RORA: variants seen among roughly 807,000 people sequenced by gnomAD.
The protein encoded by RORA is RAR related orphan receptor A.
Under a neutral mutation model 69.5 loss-of-function variants are expected in RORA, and 7 were observed. The ratio of observed to expected loss-of-function variants is 0.10; its 90% confidence interval spans 0.06 to 0.19. The LOEUF is 0.19. RORA is among the 10% of genes least tolerant of loss of function. The pLI, the probability that RORA is intolerant of heterozygous loss-of-function variation, is 1.00. For missense variants in RORA, 457 were observed against 663.0 expected (o/e 0.69, Z 3.41); for synonymous variants, 261 against 240.8 (o/e 1.08, Z -0.78).
At chr15:60,838,165 C>T (rs1056695835) in intron 1 of RORA, among the ~76,000 whole-genome samples, 3 of 152,116 alleles carry the variant, frequency 2.0e-5, no homozygotes, top group Non-Finnish European at 2.9e-5. Context: ...CCCCCTTAGA[C>T]CTCTATCCTA....
At chr15:60,826,877 C>T (rs1031180989) in intron 1 of RORA, among the ~76,000 whole-genome samples, 10 of 151,690 alleles carry the variant, frequency 6.6e-5, no homozygotes, top group Admixed American at 3.3e-4. Flanking sequence ...AGTTCCTAAA[C>T]CCTAAGACAA....
intron 2 of RORA, among the ~76,000 whole-genome samples, chr15:60,595,969 G>C (rs188038789): frequency 1.3e-5 from 2 of 152,302 alleles, no homozygotes; most frequent in East Asian, 3.9e-4. Context: ...ATGCCAAGTT[G>C]TTCCCAAAAA....
At chr15:60,863,149 T>G (rs2140427051) in intron 1 of RORA, among the ~76,000 whole-genome samples, 1 of 152,322 alleles carries the variant, frequency 6.6e-6, no homozygotes, top group South Asian at 2.1e-4. Flanking sequence ...AGGGCCAATC[T>G]TTTACAGTTG....
At chr15:60,652,669 C>G (rs2070162089) in intron 2 of RORA, among the ~76,000 whole-genome samples, 1 of 152,170 alleles carries the variant, frequency 6.6e-6, no homozygotes, top group East Asian at 1.9e-4. Context: ...TTCTAGAAAA[C>G]TAATCCCTTC....
Position 60,531,992 on chromosome 15 carries a change from A to C in RORA, c.197-141T>G, listed in dbSNP as rs897199304. The C allele has an allele frequency of 1.0e-4, 57 of 549,938 alleles. 1 individual carries two copies. Among genetic ancestry groups the C allele is most frequent in the African/African-American group, 9.6e-4 (48 of 50,012 alleles). 34.1% of individuals were successfully genotyped at this position (549,938 alleles called of 1,614,324 possible). A position where few individuals can be genotyped will look rare whatever the true frequency, so the allele number is the denominator to read the frequency against. On this transcript the variant is annotated intron_variant, in intron 2 of 10. Transcript: ENST00000335670. The surrounding 1 kb of genome is among the most constrained non-coding windows in gnomAD (Gnocchi z 4.8). The stretch of plus-strand genomic sequence containing the variant: ...ATTAACTATTCATTGCTGAACTGTG[A>C]GGGTCCCCCTAGAGCCCTGGACTAA...
Position 61,006,609 on chromosome 15 carries a change from T to C in RORA, c.166+222444A>G, listed in dbSNP as rs141015550. Reference sequence around the variant, plus strand: ...ACCTGCTGCACACAATCCATGCTGTTGCTCCTTCCTCTGCCAGCCTCTGAA... The same window carrying C: ...ACCTGCTGCACACAATCCATGCTGTCGCTCCTTCCTCTGCCAGCCTCTGAA... On this transcript the variant is annotated intron_variant, in intron 1 of 10. Coordinates refer to ENST00000335670, the MANE Select transcript of RORA (RefSeq NM_134261.3). Among the ~76,000 whole-genome samples, 617 of 152,296 alleles carry C rather than the reference T, an allele frequency of 4.1e-3. 7 individuals carry two copies. The highest frequency in any genetic ancestry group is 0.014 in the African/African-American group (596 of 41,572).
intron 2 of RORA, among the ~76,000 whole-genome samples, chr15:60,548,787 A>G (rs1023896530): frequency 3.3e-5 from 5 of 152,054 alleles, no homozygotes; most frequent in African/African-American, 4.8e-5. Flanking sequence ...ACAGGCGCCC[A>G]CCACCATGCC....
At chr15:60,506,965 C>A (rs1235249108) in intron 5 of RORA, among the ~76,000 whole-genome samples, 1 of 150,862 alleles carries the variant, frequency 6.6e-6, no homozygotes. Context: ...CCAGCCTGGG[C>A]AATAGAGCGA....
At chr15:60,760,570 C>T (rs908069447) in intron 1 of RORA, among the ~76,000 whole-genome samples, 1 of 151,940 alleles carries the variant, frequency 6.6e-6, no homozygotes. Flanking sequence ...GTACAGGCAC[C>T]GTATGAATAT....
At chr15:60,560,595 G>C (rs536717957) in intron 2 of RORA, among the ~76,000 whole-genome samples, 1 of 152,212 alleles carries the variant, frequency 6.6e-6, no homozygotes, top group Non-Finnish European at 1.5e-5. Flanking sequence ...GCTACTGGTC[G>C]GGGAGAGGGG....
chr15:60,767,847 C>T (rs936035227), intron 1 of RORA, among the ~76,000 whole-genome samples: 1 of 152,188 alleles, frequency 6.6e-6, no homozygotes, highest in African/African-American at 2.4e-5. Flanking sequence ...CTCCTAGAGC[C>T]TCCATTTCTA....
chr15:60,502,851 C>T lies in RORA; in HGVS notation c.1092G>A (p.Val364=), dbSNP rs753221163. 18 of 1,612,980 alleles carry T rather than the reference C, an allele frequency of 1.1e-5. No individual in the cohort carries two copies. The highest frequency in any genetic ancestry group is 3.3e-5 in the Admixed American group (2 of 59,996). Residue 364 remains valine (V), a synonymous_variant, in exon 8 of 11, where the codon GTG becomes GTA. Transcript: ENST00000335670. ...VLLKAGSLEV[V]FIRMCRAFDS... ...CAAAGGCACGGCACATTCTGATAAA[C>T]ACCACCTCTAGAGAACCTAAGCAGA...
At chr15:60,735,217 A>G (rs969296549) in intron 1 of RORA, among the ~76,000 whole-genome samples, 1 of 152,248 alleles carries the variant, frequency 6.6e-6, no homozygotes, top group Non-Finnish European at 1.5e-5. Flanking sequence ...AGAGATGTTC[A>G]CCAACACAGA....
In RORA at chr15:61,115,545, T is replaced by C. The variant is rs534412789; in HGVS notation, c.166+113508A>G. 2.0e-5 allele frequency among the ~76,000 whole-genome samples: 3 copies of C among 152,256 alleles called. No individual in the cohort carries two copies. The East Asian group carries it at 5.8e-4, about 29-fold the overall frequency. ...AGAGTGAAGTGAGGTTTCTCTTTAT[T>C]AGAGAGAGATGGCATTGGAAATAGG... On this transcript the variant is annotated intron_variant, in intron 1 of 10. Transcript: ENST00000335670.
chr15:60,671,151 T>G (rs1397848266), intron 2 of RORA, among the ~76,000 whole-genome samples: 1 of 149,192 alleles, frequency 6.7e-6, no homozygotes, highest in African/African-American at 2.5e-5. Context: ...TTGGATAGGT[T>G]TCAAAGAAAC....
At chr15:60,990,301 A>G (rs568672955) in intron 1 of RORA, among the ~76,000 whole-genome samples, 14 of 152,230 alleles carry the variant, frequency 9.2e-5, no homozygotes, top group African/African-American at 3.4e-4. Flanking sequence ...CTTTTGTGTG[A>G]TTTTCTTTTC....
chr15:60,508,960 T>G (rs931175965), intron 5 of RORA, among the ~76,000 whole-genome samples: 2 of 152,208 alleles, frequency 1.3e-5, no homozygotes, highest in African/African-American at 4.8e-5. Flanking sequence ...CTAAAAGTAA[T>G]AGGTTGTGCA....
chr15:60,768,582 C>A (rs1465494711), intron 1 of RORA, among the ~76,000 whole-genome samples: 2 of 152,178 alleles, frequency 1.3e-5, no homozygotes, highest in African/African-American at 4.8e-5. Context: ...TACAGCTAAG[C>A]ACTAAAGGCC....
chr15:60,499,022 T>A (rs552480858), intron 10 of RORA, among the ~76,000 whole-genome samples: 1 of 152,336 alleles, frequency 6.6e-6, no homozygotes, highest in African/African-American at 2.4e-5. Context: ...TTAGCACATT[T>A]AAAAAATTGA....
Sources: allele counts gnomAD v4.1 joint callset (sites outside exome capture counted in the v4.1 genomes callset), GRCh38; gene constraint gnomAD v4.1.1; non-coding constraint Gnocchi (gnomAD v3.1); transcripts MANE v1.5; gene names NCBI Gene and HGNC (gene_info 2026-07-23, HGNC 2026-07-21).